TENM2: variants seen among roughly 807,000 people sequenced by gnomAD.
TENM2 encodes the protein teneurin transmembrane protein 2.
In TENM2, 52 loss-of-function variants were observed where a neutral mutation model predicts 245.2. The ratio of observed to expected loss-of-function variants is 0.21; its 90% CI spans 0.17 to 0.27. The LOEUF is 0.27. Ranked by LOEUF, TENM2 falls within the 10% of genes least tolerant of loss-of-function variation. The probability of loss-of-function intolerance (pLI) is 1.00; values close to 1 mark genes in which losing one functional copy is unlikely to be tolerated. For synonymous variants in TENM2, 1,363 were observed against 1,438.9 expected (o/e 0.95, Z 1.19); for missense variants, 3,046 against 3,666.8 (o/e 0.83, Z 4.37).
the TENM2 span, among the ~76,000 whole-genome samples, chr5:167,056,481 T>C: frequency 6.8e-6 from 1 of 146,372 alleles, no homozygotes; most frequent in East Asian, 2.0e-4. Flanking sequence ...ATGTATTATA[T>C]ATATTATACA....
chr5:167,573,872 T>G (rs912953109), intron 2 of TENM2: 1 of 147,870 alleles, frequency 6.8e-6, no homozygotes, highest in Non-Finnish European at 1.5e-5. Flanking sequence ...AGCATTTTCT[T>G]GCTGGAAAAA....
intron 12 of TENM2, among the ~76,000 whole-genome samples, chr5:168,152,752 A>G (rs529235408): frequency 1.5e-4 from 23 of 152,266 alleles, no homozygotes; most frequent in African/African-American, 4.6e-4. Flanking sequence ...CTCCTAAGCT[A>G]CCAACATGCC....
At chr5:168,013,039 G>C (rs188774863) in intron 5 of TENM2, among the ~76,000 whole-genome samples, 1 of 152,270 alleles carries the variant, frequency 6.6e-6, no homozygotes, top group East Asian at 1.9e-4. Context: ...GGAGATAGAA[G>C]TGGAGAAATA....
At chr5:167,807,105 T>C (rs1337937120) in intron 2 of TENM2, among the ~76,000 whole-genome samples, 1 of 122,686 alleles carries the variant, frequency 8.2e-6, no homozygotes, top group East Asian at 2.8e-4. Flanking sequence ...CTGCACAGTT[T>C]GGCCCAAAGC....
rs561699970 is a variant in TENM2 at position 168,102,053 on chromosome 5, T to TTTTTTG, written c.1813+3927_1813+3928insTTTTGT. ...TTATAGTTCCATAGTTTTTTTGTTTTTGTGTGTGTGTGTGTGCGTTTTGTT... is the reference window on the plus strand; with the variant it reads ...TTATAGTTCCATAGTTTTTTTGTTTTTTTTTGTGTGTGTGTGTGTGTGCGTTTTGTT... On this transcript the variant is annotated intron_variant, in intron 9 of 28. Transcript: ENST00000518659. Among the ~76,000 whole-genome samples the TTTTTTG allele has an allele frequency of 6.2e-3, 943 of 151,104 alleles. 13 individuals are homozygous for TTTTTTG. Among genetic ancestry groups the TTTTTTG allele is most frequent in the African/African-American group, 0.022 (898 of 41,178 alleles).
chr5:167,297,636 C>A (rs983753539), intron 1 of TENM2: 2 of 151,966 alleles, frequency 1.3e-5, no homozygotes, highest in Non-Finnish European at 2.9e-5. Flanking sequence ...GGGTTTCATG[C>A]GCATCCATGT....
At chr5:167,554,276 G>A (rs1199034749) in intron 2 of TENM2, among the ~76,000 whole-genome samples, 1 of 152,200 alleles carries the variant, frequency 6.6e-6, no homozygotes, top group African/African-American at 2.4e-5. Flanking sequence ...GCAATAGCTA[G>A]CTGCATTATA....
At chr5:166,985,912 C>G in the TENM2 span, among the ~76,000 whole-genome samples, 4 of 152,144 alleles carry the variant, frequency 2.6e-5, no homozygotes, top group Admixed American at 2.6e-4. Context: ...CCAAAGTTTT[C>G]TTAACCACCT....
At chr5:168,188,636 C>A (rs1191013713) in intron 13 of TENM2, among the ~76,000 whole-genome samples, 1 of 152,188 alleles carries the variant, frequency 6.6e-6, no homozygotes, top group African/African-American at 2.4e-5. Context: ...TCAAAGAGCT[C>A]ATTTTCCAGA....
At chr5:167,015,854 C>G in the TENM2 span, among the ~76,000 whole-genome samples, 6 of 152,034 alleles carry the variant, frequency 3.9e-5, no homozygotes, top group Non-Finnish European at 7.4e-5. Context: ...CCATTGAGAC[C>G]AAAGACAGTT....
intron 10 of TENM2, among the ~76,000 whole-genome samples, chr5:168,122,714 G>A (rs1386867117): frequency 6.6e-6 from 1 of 151,968 alleles, no homozygotes; most frequent in Non-Finnish European, 1.5e-5. Context: ...GTGTACCCCT[G>A]ATTTTTTTTT....
chr5:167,337,123 C>CAAAAAAAAAAA (rs71591174), intron 1 of TENM2, among the ~76,000 whole-genome samples: 4 of 56,664 alleles, frequency 7.1e-5, no homozygotes, highest in Admixed American at 2.6e-4. Flanking sequence ...GACTCCGTCT[C>CAAAAAAAAAAA]AAAAAAAAAA....
At chr5:167,867,712 G>A (rs1206791799) in intron 2 of TENM2, among the ~76,000 whole-genome samples, 2 of 152,158 alleles carry the variant, frequency 1.3e-5, no homozygotes, top group Admixed American at 1.3e-4. Flanking sequence ...GACATAAGAG[G>A]TCATAATGAA....
intron 1 of TENM2, chr5:167,309,946 G>C (rs962376500): frequency 3.9e-5 from 6 of 152,298 alleles, no homozygotes; most frequent in African/African-American, 1.4e-4. Context: ...GTTTGCTCTA[G>C]TGTGAACTAG....
At chr5:167,776,465 G>A (rs896104297) in intron 2 of TENM2, among the ~76,000 whole-genome samples, 7 of 151,136 alleles carry the variant, frequency 4.6e-5, no homozygotes, top group African/African-American at 4.9e-5. Flanking sequence ...GCGTGGTGGC[G>A]TATGCCTGTA....
At chr5:167,738,310 C>G (rs1760942657) in intron 2 of TENM2, among the ~76,000 whole-genome samples, 1 of 152,176 alleles carries the variant, frequency 6.6e-6, no homozygotes, top group African/African-American at 2.4e-5. Context: ...TGAGCTTGAG[C>G]TTACATGGTG....
chr5:167,209,273 T>C, the TENM2 span, among the ~76,000 whole-genome samples: 4 of 152,112 alleles, frequency 2.6e-5, no homozygotes, highest in Non-Finnish European at 4.4e-5. Context: ...TAGTAATTTT[T>C]TTTTTTTTGA....
At chr5:168,210,594 T>C (rs894021369) in intron 19 of TENM2, among the ~76,000 whole-genome samples, 11 of 149,664 alleles carry the variant, frequency 7.3e-5, no homozygotes, top group African/African-American at 2.8e-4. Flanking sequence ...TCAGAAGTTA[T>C]CAGCATCATT....
chr5:167,796,191 A>G (rs913978044), intron 2 of TENM2, among the ~76,000 whole-genome samples: 1 of 152,162 alleles, frequency 6.6e-6, no homozygotes, highest in Non-Finnish European at 1.5e-5. Context: ...TAATCTAGTC[A>G]TATCTACTCT....
Sources: allele counts gnomAD v4.1 joint callset (sites outside exome capture counted in the v4.1 genomes callset), GRCh38; gene constraint gnomAD v4.1.1; transcripts MANE v1.5; gene names NCBI Gene and HGNC (gene_info 2026-07-23, HGNC 2026-07-21).